Variants in SHMT1 observed in about 807,000 individuals in gnomAD.
SHMT1 encodes the protein serine hydroxymethyltransferase 1, also known as serine hydroxymethyltransferase, cytosolic.
In SHMT1, 45 loss-of-function variants were observed where a neutral mutation model predicts 49.0. The observed-to-expected ratio is 0.92, with a 90% CI of 0.72 to 1.18. SHMT1 has a LOEUF of 1.18. SHMT1 is among the 50% of genes most tolerant of loss of function. The pLI, the probability that SHMT1 is intolerant of heterozygous loss-of-function variation, is 0.00. For synonymous variants in SHMT1, 232 were observed against 246.6 expected, an observed-to-expected ratio of 0.94 and a Z score of 0.55; for missense variants, 541 against 612.4, an observed-to-expected ratio of 0.88 and a Z score of 1.23.
In SHMT1 at chr17:18,355,960, C is replaced by T. The variant is rs1339535547; in HGVS notation, c.22G>A (p.Ala8Thr). 6.2e-7 allele frequency: 1 copy of T among 1,613,732 alleles called. No individual in the cohort carries two copies. The highest frequency in any genetic ancestry group is 1.3e-5 in the African/African-American group (1 of 74,908). Residue 8 changes from alanine to threonine, a missense_variant, in exon 2 of 12, where the codon GCC becomes ACC. Physicochemically the swap from Ala to Thr is moderately conservative, Grantham distance 58. Transcript: ENST00000316694. The part of the protein sequence containing the change: MTMPVNG[A>T]HKDADLWSSH... ...GACCACAGGTCAGCATCCTTGTGGG[C>T]CCCGTTGACTGGCATCGTCATTGCA...
At chr17:18,360,632 G>A (rs927132755) in intron 1 of SHMT1, 1 of 152,204 alleles carries the variant, frequency 6.6e-6, no homozygotes, top group East Asian at 1.9e-4. Flanking sequence ...GACTGGGTCA[G>A]GGAACGTCCC....
At chr17:18,361,273 T>C (rs1356217331) in intron 1 of SHMT1, among the ~76,000 whole-genome samples, 1 of 132,638 alleles carries the variant, frequency 7.5e-6, no homozygotes, top group Non-Finnish European at 1.5e-5. Flanking sequence ...CACTCCAGCC[T>C]GGACAACAGA....
Position 18,348,401 on chromosome 17 carries a change from G to A in SHMT1, c.282C>T (p.Thr94=), listed in dbSNP as rs779841160. The change falls in exon 4 of 12, where the codon ACC becomes ACT. Residue 94 remains threonine, a synonymous_variant. Transcript: ENST00000316694. ...GGTEFIDELE[T]LCQKRALQAY... ...CCTGCAGGGCTCGCTTCTGACAGAG[G>A]GTCTCCAGTTCATCAATAAACTCAG... 3 of 1,613,970 alleles carry A rather than the reference G, an allele frequency of 1.9e-6. No homozygotes were observed. The Admixed American group carries it at 5.0e-5, about 27-fold the overall frequency.
At chr17:18,329,186 T>G (rs1408230319) in intron 11 of SHMT1, 92 bp downstream of exon 11, 1 of 985,706 alleles carries the variant, frequency 1.0e-6, no homozygotes, top group East Asian at 2.5e-5. Context: ...GGTGCAGAAT[T>G]GTCTTTCAGT....
At chr17:18,334,771 G>A (rs543230965) in intron 8 of SHMT1, among the ~76,000 whole-genome samples, 3 of 152,226 alleles carry the variant, frequency 2.0e-5, no homozygotes, top group Non-Finnish European at 4.4e-5. Flanking sequence ...AGGGCGTCCA[G>A]AGCAGCTGGG....
At chr17:18,341,106 C>G in intron 5 of SHMT1, 2 of 452,726 alleles carry the variant, frequency 4.4e-6, no homozygotes, top group Non-Finnish European at 8.1e-6. Context: ...GTGACGGGAC[C>G]ACACAATGGA....
chr17:18,329,174 T>C, intron 11 of SHMT1, 104 bp downstream of exon 11: 1 of 941,484 alleles, frequency 1.1e-6, no homozygotes, highest in South Asian at 1.4e-5. Flanking sequence ...ACACTCAGCC[T>C]TGGTGCAGAA....
rs757873050 is a variant in SHMT1 at position 18,333,300 on chromosome 17, G to C, written c.932-12C>G. 1.2e-6 allele frequency: 2 copies of C among 1,612,454 alleles called. No individual in the cohort carries two copies. Among genetic ancestry groups the C allele is most frequent in the Non-Finnish European group, 1.7e-6 (2 of 1,179,776 alleles). ...TGCCACAGCAACCCCTGGACAAGAA[G>C]AGACAATGGGTCAGGAGGCTAGGAT... On this transcript the variant is annotated splice_polypyrimidine_tract_variant and intron_variant, in intron 8 of 11. Coordinates refer to ENST00000316694, the MANE Select transcript of SHMT1 (RefSeq NM_004169.5).
chr17:18,333,071 G>A, intron 9 of SHMT1, 95 bp downstream of exon 9: 2 of 1,482,228 alleles, frequency 1.3e-6, no homozygotes, highest in Non-Finnish European at 1.9e-6. Flanking sequence ...AGCTGCAGCA[G>A]CAGAGCCTGG....
At chr17:18,355,761 C>A (rs893799541) in intron 2 of SHMT1, 125 bp downstream of exon 2, 5 of 707,132 alleles carry the variant, frequency 7.1e-6, no homozygotes, top group African/African-American at 1.8e-5. Context: ...TTGTCTGCCA[C>A]CACCTCTAAA....
chr17:18,358,267 G>T (rs142321424), intron 1 of SHMT1, among the ~76,000 whole-genome samples: 2 of 151,524 alleles, frequency 1.3e-5, no homozygotes, highest in African/African-American at 2.4e-5. Context: ...CGAGGTGGGC[G>T]GATCAGGAGG....
intron 5 of SHMT1, chr17:18,341,442 C>T (rs966095439): frequency 1.3e-5 from 2 of 155,322 alleles, no homozygotes; most frequent in Non-Finnish European, 2.9e-5. Context: ...AGATCGAGAC[C>T]ATCCTGGCTA....
chr17:18,339,444 G>A lies in SHMT1; in HGVS notation c.814+599C>T, dbSNP rs554930730. On this transcript the variant is annotated intron_variant, in intron 7 of 11. Transcript: ENST00000316694. ...CACCTGCCTCTCGAGTTCAGCAACC[G>A]GCGCCATCCTAACACATAGTGGTTG... Among the ~76,000 whole-genome samples the A allele has an allele frequency of 5.9e-5, 9 of 152,224 alleles. No individual in the cohort carries two copies. The East Asian group carries it at 7.7e-4, about 13-fold the overall frequency.
At chr17:18,334,954 C>T (rs1243293962) in intron 8 of SHMT1, among the ~76,000 whole-genome samples, 1 of 152,232 alleles carries the variant, frequency 6.6e-6, no homozygotes, top group Non-Finnish European at 1.5e-5. Context: ...TTGTGCGTCT[C>T]CTGAGAAGCT....
intron 9 of SHMT1, 162 bp from the exon 10 acceptor site, chr17:18,330,833 C>A: frequency 1.5e-6 from 1 of 680,170 alleles, no homozygotes. Flanking sequence ...GAGAGATGCC[C>A]GTGCCTAAGA....
Position 18,348,316 on chromosome 17 carries a change from G to A in SHMT1, c.358+9C>T. 2 of 1,579,378 alleles carry A rather than the reference G, an allele frequency of 1.3e-6. No homozygotes were observed. Among genetic ancestry groups the A allele is most frequent in the Non-Finnish European group, 1.7e-6 (2 of 1,148,608 alleles). On this transcript the variant is annotated intron_variant, in intron 4 of 11. Coordinates refer to ENST00000316694, the MANE Select transcript of SHMT1 (RefSeq NM_004169.5). ...AGGCTGCACCAGGCCATATGGATGAGACAAGCACCTGAGTAGGGCTGGACG... is the reference window on the plus strand; with the variant it reads ...AGGCTGCACCAGGCCATATGGATGAAACAAGCACCTGAGTAGGGCTGGACG...
chr17:18,344,680 C>T (rs1984899067), intron 5 of SHMT1, among the ~76,000 whole-genome samples: 1 of 146,476 alleles, frequency 6.8e-6, no homozygotes, highest in East Asian at 2.0e-4. Flanking sequence ...GAAAATGAGA[C>T]AAGAGAACAA....
At chr17:18,358,761 G>A (rs1280488227) in intron 1 of SHMT1, among the ~76,000 whole-genome samples, 1 of 152,042 alleles carries the variant, frequency 6.6e-6, no homozygotes, top group Non-Finnish European at 1.5e-5. Context: ...TTATTAGCTG[G>A]TCGTGGTGGC....
chr17:18,357,235 C>T (rs1986320730), intron 1 of SHMT1, among the ~76,000 whole-genome samples: 1 of 129,230 alleles, frequency 7.7e-6, no homozygotes, highest in Non-Finnish European at 1.6e-5. Flanking sequence ...GAGCCGAGAT[C>T]ACACCACTGC....
Sources: gnomAD v4.1 joint callset for allele counts (sites outside exome capture counted in the v4.1 genomes callset) on GRCh38, gnomAD v4.1.1 for gene constraint, MANE v1.5 for transcripts, NCBI Gene and HGNC (gene_info 2026-07-23, HGNC 2026-07-21) for gene names.